COL5A2: variants seen among roughly 807,000 people sequenced by gnomAD.
COL5A2 encodes collagen type V alpha 2 chain, also known as collagen alpha-2(V) chain.
In COL5A2, 23 loss-of-function variants were observed where a neutral mutation model predicts 208.2. That is an observed-to-expected ratio of 0.11 (90% CI 0.08 to 0.16). COL5A2 has a LOEUF of 0.16. COL5A2 is among the 10% of genes least tolerant of loss of function. The pLI is 1.00. For missense variants in COL5A2, 1,590 were observed against 1,956.4 expected (o/e 0.81, Z 3.53); for synonymous variants, 625 against 628.5 (o/e 0.99, Z 0.08).
At chr2:189,240,576 T>C in the COL5A2 span, among the ~76,000 whole-genome samples, 1 of 152,200 alleles carries the variant, frequency 6.6e-6, no homozygotes, top group East Asian at 1.9e-4. Flanking sequence ...ATCATGCCTG[T>C]AAAGTCCAGG....
In COL5A2 at chr2:189,092,394, A is replaced by G. The variant is rs1315116876; in HGVS notation, c.483T>C (p.Asp161=). The G allele has an allele frequency of 1.2e-6, 2 of 1,605,164 alleles. No individual in the cohort carries two copies. Among genetic ancestry groups the G allele is most frequent in the Non-Finnish European group, 1.7e-6 (2 of 1,175,472 alleles). The change falls in exon 7 of 54, where the codon GAT becomes GAC. Residue 161 remains aspartate, a synonymous_variant. Transcript: ENST00000374866. The part of the protein sequence containing the change: ...RPGPRGPQGI[D]GEPGVPGQPG... ...GTTGACCAGGAACACCTGGTTCTCC[A>G]TCAATTCCCTGAGGTCCACGAGGGC...
At chr2:189,106,749 A>G (rs955751076) in intron 2 of COL5A2, among the ~76,000 whole-genome samples, 1 of 151,262 alleles carries the variant, frequency 6.6e-6, no homozygotes, top group Non-Finnish European at 1.5e-5. Flanking sequence ...GTATTATGTT[A>G]GTATCATTTA....
At position 189,058,414 on chromosome 2, in the gene COL5A2, C is replaced by A. The variant is rs781492679; in HGVS notation, c.2229+15G>T. 6.3e-7 allele frequency: 1 copy of A among 1,598,064 alleles called. No homozygotes were observed. Among genetic ancestry groups the A allele is most frequent in the South Asian group, 1.1e-5 (1 of 90,742 alleles). Reference sequence around the variant, plus strand: ...TTAAAGCATTTTAAAACACTGAGATCACTATGACACTTACTTTTGGGCCAT... The same window carrying A: ...TTAAAGCATTTTAAAACACTGAGATAACTATGACACTTACTTTTGGGCCAT... On this transcript the variant is annotated intron_variant, in intron 33 of 53. Transcript: ENST00000374866.
chr2:189,328,814 T>C, the COL5A2 span, among the ~76,000 whole-genome samples: 1 of 152,232 alleles, frequency 6.6e-6, no homozygotes, highest in Non-Finnish European at 1.5e-5. Flanking sequence ...CCTATGCCTG[T>C]AAGTGGTGAC....
intron 1 of COL5A2, among the ~76,000 whole-genome samples, chr2:189,145,989 C>T (rs571661354): frequency 6.6e-6 from 1 of 152,100 alleles, no homozygotes; most frequent in African/African-American, 2.4e-5. Context: ...ACATTGAAGG[C>T]AAGGACCAAG....
chr2:189,322,145 A>T, the COL5A2 span, among the ~76,000 whole-genome samples: 1 of 152,252 alleles, frequency 6.6e-6, no homozygotes, highest in South Asian at 2.1e-4. Context: ...CAAAGACACA[A>T]CATACCAGAA....
the COL5A2 span, among the ~76,000 whole-genome samples, chr2:189,237,956 A>G: frequency 6.6e-6 from 1 of 151,936 alleles, no homozygotes; most frequent in Non-Finnish European, 1.5e-5. Context: ...ATGGGAAAAT[A>G]GAGCTAATCT....
intron 1 of COL5A2, among the ~76,000 whole-genome samples, chr2:189,131,144 G>A (rs1018249252): frequency 6.6e-6 from 1 of 152,116 alleles, no homozygotes; most frequent in Non-Finnish European, 1.5e-5. Context: ...AGTAGAATTT[G>A]AGCAGAGACC....
intron 16 of COL5A2, among the ~76,000 whole-genome samples, chr2:189,075,860 G>A (rs1176135927): frequency 6.6e-6 from 1 of 152,120 alleles, no homozygotes; most frequent in Non-Finnish European, 1.5e-5. Flanking sequence ...TTCACCCAGA[G>A]CTCCCTTAAG....
At chr2:189,429,038 T>C in the COL5A2 span, among the ~76,000 whole-genome samples, 4 of 152,164 alleles carry the variant, frequency 2.6e-5, no homozygotes, top group Admixed American at 2.0e-4. Flanking sequence ...AGAGGGCTAT[T>C]GTACAGCATA....
At chr2:189,434,915 G>C in the COL5A2 span, among the ~76,000 whole-genome samples, 11 of 152,156 alleles carry the variant, frequency 7.2e-5, no homozygotes, top group African/African-American at 2.4e-4. Flanking sequence ...CACGCTACCT[G>C]ACTTCAAACT....
At chr2:189,072,004 A>C in intron 18 of COL5A2, 36 bp downstream of exon 18, 1 of 1,341,134 alleles carries the variant, frequency 7.5e-7, no homozygotes, top group Non-Finnish European at 1.1e-6. Context: ...GTAATCATGT[A>C]GCGTTAAATA....
intron 12 of COL5A2, among the ~76,000 whole-genome samples, chr2:189,081,912 T>C (rs1686543043): frequency 6.6e-6 from 1 of 152,208 alleles, no homozygotes; most frequent in Non-Finnish European, 1.5e-5. Flanking sequence ...TGGCCTATAT[T>C]AATTTGATTT....
intron 1 of COL5A2, among the ~76,000 whole-genome samples, chr2:189,205,043 T>C: frequency 6.6e-6 from 1 of 152,186 alleles, no homozygotes; most frequent in South Asian, 2.1e-4. Context: ...ACAGTGACAC[T>C]TGATCTCTGT....
Position 189,092,320 on chromosome 2 carries a change from C to T in COL5A2, c.557G>A (p.Gly186Asp). 6.2e-7 allele frequency: 1 copy of T among 1,604,980 alleles called. No individual in the cohort carries two copies. The highest frequency in any genetic ancestry group is 8.5e-7 in the Non-Finnish European group (1 of 1,174,552). Residue 186 changes from glycine to aspartate, a missense_variant, in exon 7 of 54, where the codon GGC becomes GAC. Transcript: ENST00000374866. ...ATGCACACAACTCACCCTGCTCAAG[C>T]CATCGGGTCCTGGGTGGGACGGATG... The part of the protein sequence containing the change: ...PGHPSHPGPD[G>D]LSRPFSAQMA...
intron 1 of COL5A2, among the ~76,000 whole-genome samples, chr2:189,167,893 T>C (rs577795866): frequency 6.6e-6 from 1 of 152,150 alleles, no homozygotes; most frequent in East Asian, 1.9e-4. Context: ...GAATTTGCAG[T>C]TGCTCTTCAT....
chr2:189,395,316 T>G, the COL5A2 span, among the ~76,000 whole-genome samples: 1 of 152,230 alleles, frequency 6.6e-6, no homozygotes. Flanking sequence ...ATGCATAGTA[T>G]GAACAGAAAC....
the COL5A2 span, among the ~76,000 whole-genome samples, chr2:189,317,345 T>C: frequency 6.6e-6 from 1 of 152,270 alleles, no homozygotes; most frequent in Middle Eastern, 3.4e-3. Flanking sequence ...TTGATTTCAA[T>C]GTTATTTCAT....
chr2:189,430,575 G>A, the COL5A2 span, among the ~76,000 whole-genome samples: 69 of 152,206 alleles, frequency 4.5e-4, 1 homozygote, highest in Non-Finnish European at 6.6e-4. Context: ...CCACACCCAC[G>A]GAGCATTGCT....
Sources: gnomAD v4.1 joint callset for allele counts (sites outside exome capture counted in the v4.1 genomes callset) on GRCh38, gnomAD v4.1.1 for gene constraint, MANE v1.5 for transcripts, NCBI Gene and HGNC (gene_info 2026-07-23, HGNC 2026-07-21) for gene names.